TRHDE: variants seen among roughly 807,000 people sequenced by gnomAD.
TRHDE encodes thyrotropin-releasing hormone-degrading ectoenzyme.
In TRHDE, 72 loss-of-function variants were observed where a neutral mutation model predicts 125.7. That is an observed-to-expected ratio of 0.57 (90% CI 0.47 to 0.70). TRHDE has a LOEUF of 0.70. Among genes scored for constraint, TRHDE ranks in the 30% least tolerant of loss-of-function variants. The pLI, the probability that TRHDE is intolerant of heterozygous loss-of-function variation, is 0.00. For synonymous variants in TRHDE, 509 were observed against 509.1 expected, an observed-to-expected ratio of 1.00 and a Z score of 0.00; for missense variants, 1,110 against 1,327.1, an observed-to-expected ratio of 0.84 and a Z score of 2.54.
intron 2 of TRHDE, among the ~76,000 whole-genome samples, chr12:72,332,122 G>C (rs1391630340): frequency 2.0e-5 from 3 of 148,984 alleles, no homozygotes; most frequent in Non-Finnish European, 4.5e-5. Context: ...TGGGGCAAGA[G>C]AGCCAAGGGG....
chr12:72,651,357 C>T (rs1023814396), intron 15 of TRHDE, among the ~76,000 whole-genome samples: 4 of 151,922 alleles, frequency 2.6e-5, no homozygotes, highest in Non-Finnish European at 5.9e-5. Context: ...TTTCCAAATA[C>T]TCCTTTAATC....
intron 1 of TRHDE, among the ~76,000 whole-genome samples, chr12:72,095,750 C>T (rs139581755): frequency 2.4e-4 from 36 of 152,260 alleles, no homozygotes; most frequent in Non-Finnish European, 5.1e-4. Flanking sequence ...CTTGTTGTTC[C>T]TATACTCAGT....
At chr12:72,198,959 G>A (rs1877499574) in intron 2 of TRHDE, among the ~76,000 whole-genome samples, 1 of 151,148 alleles carries the variant, frequency 6.6e-6, no homozygotes, top group African/African-American at 2.4e-5. Context: ...GAGAGAGAGA[G>A]AAACAGAGAG....
intron 4 of TRHDE, among the ~76,000 whole-genome samples, chr12:72,471,397 T>G (rs1876643372): frequency 6.6e-6 from 1 of 152,202 alleles, no homozygotes; most frequent in Admixed American, 6.5e-5. Flanking sequence ...CTCCTATAAA[T>G]GACAAGTTAG....
At chr12:72,503,543 T>C (rs1878239996) in intron 6 of TRHDE, among the ~76,000 whole-genome samples, 1 of 152,226 alleles carries the variant, frequency 6.6e-6, no homozygotes, top group Non-Finnish European at 1.5e-5. Flanking sequence ...ATATTAAATG[T>C]TGACACCTAC....
At chr12:72,438,386 T>G (rs1334630217) in intron 3 of TRHDE, among the ~76,000 whole-genome samples, 1 of 151,896 alleles carries the variant, frequency 6.6e-6, no homozygotes, top group Non-Finnish European at 1.5e-5. Context: ...TAATTTACAT[T>G]CCTATCAATA....
At chr12:72,245,565 T>A (rs1395078626) in intron 2 of TRHDE, among the ~76,000 whole-genome samples, 1 of 152,160 alleles carries the variant, frequency 6.6e-6, no homozygotes, top group East Asian at 1.9e-4. Flanking sequence ...TTCCATTCTC[T>A]GGTTCCTACC....
intron 2 of TRHDE, among the ~76,000 whole-genome samples, chr12:72,154,312 C>G (rs1051247491): frequency 6.6e-6 from 1 of 152,130 alleles, no homozygotes; most frequent in African/African-American, 2.4e-5. Flanking sequence ...GATGGGTTTC[C>G]TGAATACAGC....
intron 1 of TRHDE, among the ~76,000 whole-genome samples, chr12:72,099,817 A>G (rs1875025926): frequency 6.6e-6 from 1 of 152,180 alleles, no homozygotes; most frequent in Admixed American, 6.5e-5. Context: ...AAGACTCTTT[A>G]CATTTTCTGA....
intron 5 of TRHDE, among the ~76,000 whole-genome samples, chr12:72,480,783 C>T (rs1877132063): frequency 6.6e-6 from 1 of 152,018 alleles, no homozygotes; most frequent in Non-Finnish European, 1.5e-5. Context: ...CAGAATATTC[C>T]AGTTTGCTAA....
At chr12:72,206,836 TATA>T (rs1877677634) in intron 2 of TRHDE, among the ~76,000 whole-genome samples, 1 of 151,846 alleles carries the variant, frequency 6.6e-6, no homozygotes, top group African/African-American at 2.4e-5. Flanking sequence ...AATACTTATA[TATA>T]ATATGTTTAT....
intron 1 of TRHDE, among the ~76,000 whole-genome samples, chr12:72,278,080 A>C (rs182190488): frequency 2.0e-5 from 3 of 152,036 alleles, no homozygotes; most frequent in African/African-American, 7.2e-5. Flanking sequence ...TTGACCAGTA[A>C]CTCCTCAACT....
chr12:72,438,188 A>G (rs1874832597), intron 3 of TRHDE, among the ~76,000 whole-genome samples: 1 of 151,948 alleles, frequency 6.6e-6, no homozygotes, highest in African/African-American at 2.4e-5. Flanking sequence ...GTTGATGGAC[A>G]CTTAATTTGA....
chr12:72,261,162 G>A (rs1355537195), intron 2 of TRHDE, among the ~76,000 whole-genome samples: 1 of 152,172 alleles, frequency 6.6e-6, no homozygotes, highest in Non-Finnish European at 1.5e-5. Context: ...GAAGGAAGTA[G>A]ATAATGATTT....
chr12:72,381,221 A>G (rs1412189089), intron 3 of TRHDE, among the ~76,000 whole-genome samples: 2 of 152,256 alleles, frequency 1.3e-5, no homozygotes, highest in African/African-American at 4.8e-5. Flanking sequence ...CAAACTATCA[A>G]TACAACCAAG....
At chr12:72,101,183 T>C (rs1875057686) in intron 1 of TRHDE, among the ~76,000 whole-genome samples, 1 of 152,208 alleles carries the variant, frequency 6.6e-6, no homozygotes, top group African/African-American at 2.4e-5. Flanking sequence ...CTGGGGAATT[T>C]TGCATGGCTA....
intron 7 of TRHDE, among the ~76,000 whole-genome samples, chr12:72,544,383 C>T (rs1411634431): frequency 5.3e-5 from 8 of 151,550 alleles, no homozygotes; most frequent in African/African-American, 1.9e-4. Context: ...GTTGAAAGAG[C>T]TAATCTAGGC....
At chr12:72,288,848 T>G (rs1196116098) in intron 2 of TRHDE, among the ~76,000 whole-genome samples, 2 of 152,164 alleles carry the variant, frequency 1.3e-5, no homozygotes, top group Admixed American at 1.3e-4. Context: ...TCCTGCTTAA[T>G]AATTTTTATG....
intron 3 of TRHDE, among the ~76,000 whole-genome samples, chr12:72,454,526 T>C (rs1040841402): frequency 1.3e-5 from 2 of 152,138 alleles, no homozygotes; most frequent in Non-Finnish European, 2.9e-5. Context: ...ATATCTTACA[T>C]TGAATACTGA....
Sources: gnomAD v4.1 joint callset for allele counts (sites outside exome capture counted in the v4.1 genomes callset) on GRCh38, gnomAD v4.1.1 for gene constraint, MANE v1.5 for transcripts, NCBI Gene and HGNC (gene_info 2026-07-23, HGNC 2026-07-21) for gene names.